MGA: variants seen among roughly 807,000 people sequenced by gnomAD.
MGA encodes MAX gene-associated protein.
In MGA, 40 loss-of-function variants were observed where a neutral mutation model predicts 261.1. The observed-to-expected ratio is 0.15, with a 90% confidence interval of 0.12 to 0.20. The LOEUF is 0.20. Ranked by LOEUF, MGA falls within the 10% of genes least tolerant of loss-of-function variation. The pLI, the probability that MGA is intolerant of heterozygous loss-of-function variation, is 1.00. For synonymous variants in MGA, 1,302 were observed against 1,290.6 expected (o/e 1.01, Z -0.19); for missense variants, 3,397 against 3,630.5 (o/e 0.94, Z 1.65).
At position 41,699,169 on chromosome 15, in the gene MGA, T is replaced by C. The variant is rs367589979; in HGVS notation, c.2188+10T>C. 4.8e-5 allele frequency: 72 copies of C among 1,513,476 alleles called. 1 individual carries two copies. The African/African-American group carries it at 9.3e-4, about 20-fold the overall frequency. The allele number at this position is 1,513,476 out of a possible 1,614,324, so 93.8% of individuals were successfully genotyped here. On this transcript the variant is annotated intron_variant, in intron 5 of 23. Coordinates refer to ENST00000219905, the MANE Select transcript of MGA (RefSeq NM_001164273.2). ...CCTGGTCTTCAAGAAGGTAATAGAC[T>C]AGCGACTTCTTTTTTTTTGTTTTCT...
intron 5 of MGA, 108 bp from the exon 6 acceptor site, chr15:41,707,620 C>CTG: frequency 9.4e-7 from 1 of 1,063,604 alleles, no homozygotes. Context: ...TCCTTTCTCT[C>CTG]TCGACCTTAC....
rs373672449 is a variant in MGA, at chr15:41,750,060, A to G, written c.6453A>G (p.Gln2151=). ...CAGGAAGCAAAGTTATGGAGCAGCA[A>G]TCTAATCTACAGCCAGAGGCCAAAG... Residue 2151 remains glutamine, a synonymous_variant, in exon 17 of 24, where the codon CAA becomes CAG. Coordinates refer to ENST00000219905, the MANE Select transcript of MGA (RefSeq NM_001164273.2). The G allele has an allele frequency of 1.2e-6, 2 of 1,613,460 alleles. No homozygotes were observed. The highest frequency in any genetic ancestry group is 8.5e-7 in the Non-Finnish European group (1 of 1,179,682).
At chr15:41,744,267 A>C (rs955051772) in intron 15 of MGA, among the ~76,000 whole-genome samples, 55 of 152,016 alleles carry the variant, frequency 3.6e-4, no homozygotes, top group Admixed American at 2.8e-3. Flanking sequence ...ACAATGGCAG[A>C]ATCTCAGCTC....
intron 13 of MGA, 114 bp from the exon 14 acceptor site, chr15:41,739,792 T>C (rs2061991066): frequency 1.9e-6 from 2 of 1,074,862 alleles, no homozygotes; most frequent in East Asian, 3.0e-5. Context: ...TTTTTCCCTT[T>C]TAAATCTGAA....
intron 2 of MGA, among the ~76,000 whole-genome samples, chr15:41,675,930 G>A (rs2058348681): frequency 6.6e-6 from 1 of 151,988 alleles, no homozygotes; most frequent in South Asian, 2.1e-4. Context: ...TTAGTTTCAG[G>A]TACTTTTCTA....
intron 12 of MGA, among the ~76,000 whole-genome samples, chr15:41,735,057 T>C (rs1188553946): frequency 6.6e-6 from 1 of 152,230 alleles, no homozygotes; most frequent in Non-Finnish European, 1.5e-5. Context: ...TTTTTGGTTA[T>C]GCTTCCCGAG....
chr15:41,760,923 T>C (rs971699940), intron 20 of MGA, among the ~76,000 whole-genome samples: 1 of 152,048 alleles, frequency 6.6e-6, no homozygotes, highest in Admixed American at 6.6e-5. Flanking sequence ...TTTAGTAGAT[T>C]AGTAGTAATT....
Position 41,741,959 on chromosome 15 carries a change from C to T in MGA, c.4586-587C>T, listed in dbSNP as rs185074012. Among the ~76,000 whole-genome samples, 790 of 152,030 alleles carry T rather than the reference C, an allele frequency of 5.2e-3. 3 individuals carry two copies. Among genetic ancestry groups the T allele is most frequent in the Middle Eastern group, 0.01 (3 of 294 alleles). On this transcript the variant is annotated intron_variant, in intron 14 of 23. Transcript: ENST00000219905. ...ACTCCTGACCTCGTGATCTGCCCAC[C>T]TCGGCCTCCCAAAGTGCTGGGATTA...
chr15:41,697,093 T>A, intron 3 of MGA, 70 bp downstream of exon 3: 1 of 1,234,366 alleles, frequency 8.1e-7, no homozygotes, highest in Non-Finnish European at 1.1e-6. Flanking sequence ...GGCTTGTAAG[T>A]AACTCGATTT....
At chr15:41,718,269 A>T (rs1010609265) in intron 9 of MGA, 1 of 219,554 alleles carries the variant, frequency 4.6e-6, no homozygotes, top group African/African-American at 2.4e-5. Flanking sequence ...ATATCTTGAT[A>T]TATGTAGTGT....
intron 2 of MGA, among the ~76,000 whole-genome samples, chr15:41,672,281 A>G (rs2058103715): frequency 6.6e-6 from 1 of 152,104 alleles, no homozygotes; most frequent in African/African-American, 2.4e-5. Context: ...AGCCTCCTGA[A>G]TAGCTGGGAC....
rs560954487 is a variant in MGA at position 41,638,694 on chromosome 15, T to C, written c.-68+17396T>C. On this transcript the variant is annotated intron_variant, in intron 1 of 8. Transcript: ENST00000566718. ...TGGCCTTTCTTTTCTTTTTCTTTTT[T>C]TTTTTTTTTTTTTTGAGACAGGGTC... is the stretch of plus-strand genomic sequence containing the variant. 3.5e-3 allele frequency among the ~76,000 whole-genome samples: 511 copies of C among 147,266 alleles called. 2 individuals are homozygous for C. Among genetic ancestry groups the C allele is most frequent in the Non-Finnish European group, 6.1e-3 (405 of 66,350 alleles).
rs149179675 is a variant in MGA, at chr15:41,631,423, T to C, written c.-68+10125T>C. On this transcript the variant is annotated intron_variant, in intron 1 of 8. Transcript: ENST00000566718. Reference sequence around the variant, plus strand: ...AGGCCCACACCTGTAATCCCAGCACTTTGGGAAGCCAAGGAAGGAGGATTG... The same window carrying C: ...AGGCCCACACCTGTAATCCCAGCACCTTGGGAAGCCAAGGAAGGAGGATTG... Among the ~76,000 whole-genome samples, 837 of 152,282 alleles carry C rather than the reference T, an allele frequency of 5.5e-3. 7 individuals carry two copies. The highest frequency in any genetic ancestry group is 0.019 in the African/African-American group (805 of 41,556).
intron 13 of MGA, among the ~76,000 whole-genome samples, chr15:41,737,157 A>G (rs528489192): frequency 6.6e-6 from 1 of 152,128 alleles, no homozygotes; most frequent in East Asian, 1.9e-4. Flanking sequence ...GGAAAATTTT[A>G]AAAATTTTTA....
At position 41,769,098 on chromosome 15, in the gene MGA, C is replaced by T. The variant is rs2063933749; in HGVS notation, c.*1818C>T. 1 of 152,588 alleles carries T rather than the reference C, an allele frequency of 6.6e-6. No individual in the cohort carries two copies. Among genetic ancestry groups the T allele is most frequent in the Non-Finnish European group, 1.5e-5 (1 of 68,048 alleles). The allele number at this position is 152,588 out of a possible 1,614,324, so 9.5% of individuals were successfully genotyped here. On this transcript the variant is annotated 3_prime_UTR_variant, in exon 24 of 24. Transcript: ENST00000219905. ...TAGCCAAGGAGTCCAGCACCTGTCTCCCCTGCTAATAATTGTCCTTAGAGA... is the reference window on the plus strand; with the variant it reads ...TAGCCAAGGAGTCCAGCACCTGTCTTCCCTGCTAATAATTGTCCTTAGAGA...
chr15:41,722,265 G>A (rs771771339), intron 9 of MGA, among the ~76,000 whole-genome samples: 9 of 151,766 alleles, frequency 5.9e-5, no homozygotes, highest in Admixed American at 2.0e-4. Flanking sequence ...GAGTAGCTGG[G>A]ACTACAGGCG....
Position 41,710,312 on chromosome 15 carries a change from C to G in MGA, c.2426-379C>G, listed in dbSNP as rs556723170. On this transcript the variant is annotated intron_variant, in intron 7 of 23. Transcript: ENST00000219905. The stretch of plus-strand genomic sequence containing the variant: ...GAATGGATTTTAATGTTTTTAGTGC[C>G]CAAGACTAGAGAATGGATTTTAATG... 6.6e-5 allele frequency among the ~76,000 whole-genome samples: 10 copies of G among 152,102 alleles called. No individual in the cohort carries two copies. In the East Asian group the frequency reaches 1.9e-3, roughly 29 times the overall value.
intron 18 of MGA, among the ~76,000 whole-genome samples, chr15:41,755,658 A>G (rs1055819368): frequency 6.6e-6 from 1 of 152,248 alleles, no homozygotes; most frequent in African/African-American, 2.4e-5. Context: ...ATGGATTGCA[A>G]TAGTAAAGGG....
chr15:41,641,347 C>T (rs551217011), intron 1 of MGA, among the ~76,000 whole-genome samples: 89 of 151,864 alleles, frequency 5.9e-4, no homozygotes, highest in South Asian at 1.5e-3. Context: ...TGGGTATGTA[C>T]GTAATAGTGG....
Sources: gnomAD v4.1 joint callset for allele counts (sites outside exome capture counted in the v4.1 genomes callset) on GRCh38, gnomAD v4.1.1 for gene constraint, MANE v1.5 for transcripts, NCBI Gene and HGNC (gene_info 2026-07-23, HGNC 2026-07-21) for gene names.